ITIH5: variants seen among roughly 807,000 people sequenced by gnomAD.
ITIH5 encodes inter-alpha-trypsin inhibitor heavy chain 5.
A neutral mutation model predicts 77.5 loss-of-function variants in ITIH5; 65 were observed. That is an observed-to-expected ratio of 0.84 (90% CI 0.69 to 1.03). The LOEUF (loss-of-function observed/expected upper bound fraction) is 1.03, where lower values mean the gene tolerates loss of function less well. Among genes scored for constraint, ITIH5 ranks in the 50% least tolerant of loss-of-function variants. The pLI, the probability that ITIH5 is intolerant of heterozygous loss-of-function variation, is 0.00. For missense variants in ITIH5, 1,208 were observed against 1,213.1 expected (o/e 1.00, Z 0.06); for synonymous variants, 525 against 494.3 (o/e 1.06, Z -0.82).
intron 11 of ITIH5, among the ~76,000 whole-genome samples, chr10:7,570,739 C>T (rs1379250491): frequency 1.3e-5 from 2 of 152,210 alleles, no homozygotes; most frequent in Non-Finnish European, 2.9e-5. Flanking sequence ...CCTCCCACCT[C>T]AGCCTCCTGA....
At chr10:7,645,521 T>C (rs1052370274) in intron 2 of ITIH5, among the ~76,000 whole-genome samples, 2 of 152,192 alleles carry the variant, frequency 1.3e-5, no homozygotes, top group Non-Finnish European at 2.9e-5. Flanking sequence ...AGAATGTCTC[T>C]TTTTACTAAT....
At chr10:7,573,510 A>T (rs546074456) in intron 10 of ITIH5, among the ~76,000 whole-genome samples, 73 of 151,590 alleles carry the variant, frequency 4.8e-4, no homozygotes, top group Non-Finnish European at 7.4e-4. Context: ...CTACAAAAAA[A>T]AAATAAATAA....
chr10:7,585,489 T>C (rs1832653216), intron 8 of ITIH5, among the ~76,000 whole-genome samples: 1 of 152,212 alleles, frequency 6.6e-6, no homozygotes, highest in Non-Finnish European at 1.5e-5. Context: ...AGAGGGCTCC[T>C]TGTTTTGCAA....
At chr10:7,566,739 A>AAAAG (rs1554746776) in intron 12 of ITIH5, among the ~76,000 whole-genome samples, 1 of 29,676 alleles carries the variant, frequency 3.4e-5, no homozygotes, top group African/African-American at 1.3e-4. Flanking sequence ...AAAAAAAAAA[A>AAAAG]AAGAAGAAGA....
intron 2 of ITIH5, among the ~76,000 whole-genome samples, chr10:7,655,221 C>T (rs1834160814): frequency 1.3e-5 from 2 of 152,144 alleles, no homozygotes; most frequent in African/African-American, 4.8e-5. Context: ...CTCTTAGCCT[C>T]CAGCAGCATT....
intron 5 of ITIH5, among the ~76,000 whole-genome samples, chr10:7,623,349 C>G (rs1263791810): frequency 6.6e-6 from 1 of 152,108 alleles, no homozygotes; most frequent in Non-Finnish European, 1.5e-5. Flanking sequence ...TGGGATCCAA[C>G]GAGGCAATTT....
Position 7,566,235 on chromosome 10 carries a change from G to C in ITIH5, c.2322C>G (p.Pro774=), listed in dbSNP as rs1832154174. The C allele has an allele frequency of 6.2e-7, 1 of 1,613,664 alleles. No individual in the cohort carries two copies. The highest frequency in any genetic ancestry group is 1.3e-5 in the African/African-American group (1 of 75,032). ...TCCCCACCACCACACTCTGGTTGCAGGGGAGCACCAGTCTGTCCCCACCAT... is the reference window on the plus strand; with the variant it reads ...TCCCCACCACCACACTCTGGTTGCACGGGAGCACCAGTCTGTCCCCACCAT... ...ILDGGDRLVL[P]CNQSVVVGSW... The change falls in exon 13 of 14, where the codon CCC becomes CCG. Residue 774 remains proline, a synonymous_variant. Transcript: ENST00000397146.
intron 7 of ITIH5, among the ~76,000 whole-genome samples, chr10:7,602,181 T>TCC (rs2131008488): frequency 1.3e-5 from 2 of 152,174 alleles, no homozygotes; most frequent in Admixed American, 1.3e-4. Flanking sequence ...CCTTTCATCC[T>TCC]CCCTCTCTCT....
rs192882574 is a variant in ITIH5 at position 7,562,963 on chromosome 10, G to A, written c.*120C>T. ...GTCGGATCTATGCTGCACCAGGGGT[G>A]GGTCATGGAGTCCAGCTAATTGCCA... is the stretch of plus-strand genomic sequence containing the variant. On this transcript the variant is annotated 3_prime_UTR_variant, in exon 14 of 14. Transcript: ENST00000397146. The A allele has an allele frequency of 1.3e-5, 11 of 824,780 alleles. No homozygotes were observed. In the African/African-American group the frequency reaches 1.7e-4, roughly 12 times the overall value. 51.1% of individuals were successfully genotyped at this position (824,780 alleles called of 1,614,324 possible).
intron 8 of ITIH5, among the ~76,000 whole-genome samples, chr10:7,581,721 C>CTTT (rs142992412): frequency 0.26 from 25,850 of 100,974 alleles, 3,675 homozygotes; most frequent in East Asian, 0.61. Context: ...TCTTTTCCTT[C>CTTT]TTTTTTTTTT....
At chr10:7,618,619 G>C (rs1833416019) in intron 5 of ITIH5, 1 of 152,166 alleles carries the variant, frequency 6.6e-6, no homozygotes, top group Non-Finnish European at 1.5e-5. Context: ...TTTTTATCCA[G>C]ATATTGAATC....
At chr10:7,655,548 C>G in intron 2 of ITIH5, 83 bp downstream of exon 2, 2 of 1,125,238 alleles carry the variant, frequency 1.8e-6, no homozygotes, top group Non-Finnish European at 2.7e-6. Context: ...TTTGGAGGAT[C>G]TGCAAGCAAA....
chr10:7,569,791 G>C lies in ITIH5; in HGVS notation c.2033-7C>G, dbSNP rs200016118. On this transcript the variant is annotated splice_region_variant and splice_polypyrimidine_tract_variant and intron_variant, in intron 11 of 13. Coordinates refer to ENST00000397146, the MANE Select transcript of ITIH5 (RefSeq NM_030569.7). ...AAGTGGGGATCACCATCCACTGCCA[G>C]AGCAGAAGAAAACGGAGAGAAAAAG... The C allele has an allele frequency of 2.8e-4, 439 of 1,565,568 alleles. No individual in the cohort carries two copies. Among genetic ancestry groups the C allele is most frequent in the Non-Finnish European group, 3.7e-4 (420 of 1,147,500 alleles).
At chr10:7,635,300 C>A (rs760469833) in intron 5 of ITIH5, among the ~76,000 whole-genome samples, 6 of 152,110 alleles carry the variant, frequency 3.9e-5, no homozygotes, top group East Asian at 1.9e-4. Context: ...TGCGGCCAAC[C>A]CTTTACATAC....
At chr10:7,567,350 T>TTATTATTA (rs1832209559) in intron 12 of ITIH5, among the ~76,000 whole-genome samples, 1 of 148,786 alleles carries the variant, frequency 6.7e-6, no homozygotes, top group African/African-American at 2.5e-5. Flanking sequence ...ATTATTATTA[T>TTATTATTA]TATTATACTT....
At chr10:7,641,807 T>C (rs1490930839) in intron 3 of ITIH5, 120 bp downstream of exon 3, 1 of 719,716 alleles carries the variant, frequency 1.4e-6, no homozygotes. Context: ...GACCTTCTGA[T>C]CTATATACCA....
chr10:7,617,090 A>G (rs1833382128), intron 6 of ITIH5, 23 bp downstream of exon 6: 1 of 1,478,748 alleles, frequency 6.8e-7, no homozygotes, highest in East Asian at 2.5e-5. Flanking sequence ...ACCAACATGA[A>G]ATAGCAACGA....
chr10:7,643,526 C>T (rs573943133), intron 2 of ITIH5, among the ~76,000 whole-genome samples: 5 of 152,320 alleles, frequency 3.3e-5, no homozygotes, highest in Admixed American at 2.0e-4. Flanking sequence ...CTGCCCTCTG[C>T]AGACACGTCC....
At chr10:7,617,586 C>G (rs149248766) in intron 5 of ITIH5, 1 of 198,276 alleles carries the variant, frequency 5.0e-6, no homozygotes, top group Non-Finnish European at 1.0e-5. Flanking sequence ...TGTTACCAAC[C>G]TTTTGTATGT....
Sources: allele counts gnomAD v4.1 joint callset (sites outside exome capture counted in the v4.1 genomes callset), GRCh38; gene constraint gnomAD v4.1.1; transcripts MANE v1.5; gene names NCBI Gene and HGNC (gene_info 2026-07-23, HGNC 2026-07-21).